DPP10: variants seen among roughly 807,000 people sequenced by gnomAD.
DPP10 encodes the protein dipeptidyl peptidase like 10, also known as inactive dipeptidyl peptidase 10.
Under a neutral mutation model 120.9 loss-of-function variants are expected in DPP10, and 33 were observed. The observed-to-expected ratio is 0.27, with a 90% CI of 0.21 to 0.37. The LOEUF (loss-of-function observed/expected upper bound fraction) is 0.37, where lower values mean the gene tolerates loss of function less well. Ranked by LOEUF, DPP10 falls within the 10% of genes least tolerant of loss-of-function variation. The probability of loss-of-function intolerance (pLI) is 1.00; values close to 1 mark genes in which losing one functional copy is unlikely to be tolerated. For missense variants in DPP10, 816 were observed against 942.8 expected, an observed-to-expected ratio of 0.87 and a Z score of 1.76; for synonymous variants, 337 against 326.1, an observed-to-expected ratio of 1.03 and a Z score of -0.36.
intron 1 of DPP10, among the ~76,000 whole-genome samples, chr2:114,987,808 T>TTTTTTTTTTTTTA (rs1279486876): frequency 7.8e-6 from 1 of 127,748 alleles, no homozygotes; most frequent in African/African-American, 3.0e-5. Flanking sequence ...GACTGTCTTT[T>TTTTTTTTTTTTTA]TTTTTTTTAT....
At chr2:115,582,988 C>T (rs1256035474) in intron 5 of DPP10, among the ~76,000 whole-genome samples, 2 of 152,172 alleles carry the variant, frequency 1.3e-5, no homozygotes, top group African/African-American at 2.4e-5. Flanking sequence ...CATCTTGCAA[C>T]TTTGTGAGAT....
At chr2:115,160,438 A>C (rs2052223939) in intron 1 of DPP10, among the ~76,000 whole-genome samples, 1 of 152,338 alleles carries the variant, frequency 6.6e-6, no homozygotes, top group Non-Finnish European at 1.5e-5. Flanking sequence ...CCATTCTACA[A>C]AAGTCTTTCA....
chr2:114,501,716 T>A (rs1180468661), intron 1 of DPP10, among the ~76,000 whole-genome samples: 1 of 152,164 alleles, frequency 6.6e-6, no homozygotes, highest in African/African-American at 2.4e-5. Context: ...TCATCCTGCT[T>A]ATGGTTTTGG....
intron 1 of DPP10, among the ~76,000 whole-genome samples, chr2:115,038,849 G>GT (rs1559023241): frequency 6.6e-6 from 1 of 152,134 alleles, no homozygotes; most frequent in African/African-American, 2.4e-5. Flanking sequence ...ACTTAAATAC[G>GT]TATCTCTTTC....
intron 1 of DPP10, among the ~76,000 whole-genome samples, chr2:114,824,390 A>G (rs1444180029): frequency 6.6e-6 from 1 of 152,216 alleles, no homozygotes; most frequent in East Asian, 1.9e-4. Flanking sequence ...AGTCCATTAG[A>G]CTAGAAGATG....
intron 1 of DPP10, among the ~76,000 whole-genome samples, chr2:115,095,671 T>C (rs538797878): frequency 9.7e-4 from 146 of 151,248 alleles, no homozygotes; most frequent in African/African-American, 3.4e-3. Flanking sequence ...CCTCTACCAC[T>C]TGGGTTCAAA....
intron 1 of DPP10, among the ~76,000 whole-genome samples, chr2:115,191,048 G>T (rs1391194601): frequency 6.6e-6 from 1 of 152,126 alleles, no homozygotes; most frequent in Non-Finnish European, 1.5e-5. Context: ...GGATCCTATG[G>T]GGTCCTTCCC....
At chr2:115,094,281 T>C (rs1370591077) in intron 1 of DPP10, among the ~76,000 whole-genome samples, 3 of 152,174 alleles carry the variant, frequency 2.0e-5, no homozygotes, top group Non-Finnish European at 4.4e-5. Context: ...TTTATTGTTA[T>C]ATTTTACTGC....
Position 114,810,741 on chromosome 2 carries a change from C to T in DPP10, c.60+367903C>T, listed in dbSNP as rs1685106869. 2.6e-5 allele frequency among the ~76,000 whole-genome samples: 4 copies of T among 152,282 alleles called. No individual in the cohort carries two copies. The South Asian group carries it at 8.3e-4, about 32-fold the overall frequency. On this transcript the variant is annotated intron_variant, in intron 1 of 25. Transcript: ENST00000410059. ...GATACCCACTTTGGGACTCTGCATG[C>T]AAAGTGCCTGGATAATGATGTAACA...
intron 8 of DPP10, among the ~76,000 whole-genome samples, chr2:115,735,781 C>G (rs567136085): frequency 6.6e-6 from 1 of 150,592 alleles, no homozygotes; most frequent in Admixed American, 6.6e-5. Context: ...GATCCGCCCA[C>G]CTCGGCCTCC....
intron 1 of DPP10, among the ~76,000 whole-genome samples, chr2:114,594,399 C>A (rs1691720191): frequency 6.7e-6 from 1 of 148,902 alleles, no homozygotes; most frequent in African/African-American, 2.5e-5. Context: ...TATATAAACT[C>A]CCTTTTACAT....
intron 1 of DPP10, among the ~76,000 whole-genome samples, chr2:114,469,464 C>A (rs1480811677): frequency 6.6e-6 from 1 of 152,102 alleles, no homozygotes; most frequent in Admixed American, 6.5e-5. Context: ...GGTGTGGTGG[C>A]TCATGCCTGT....
chr2:115,428,403 G>A (rs933833075), intron 3 of DPP10, among the ~76,000 whole-genome samples: 1 of 152,086 alleles, frequency 6.6e-6, no homozygotes, highest in African/African-American at 2.4e-5. Context: ...AAGAAAATAG[G>A]TTTACTTGGC....
intron 5 of DPP10, among the ~76,000 whole-genome samples, chr2:115,656,152 A>T (rs1448782619): frequency 6.6e-6 from 1 of 151,288 alleles, no homozygotes; most frequent in East Asian, 1.9e-4. Context: ...ACACACACAC[A>T]CACACACACA....
chr2:114,530,912 G>A (rs977466249), intron 1 of DPP10, among the ~76,000 whole-genome samples: 1 of 151,978 alleles, frequency 6.6e-6, no homozygotes, highest in South Asian at 2.1e-4. Flanking sequence ...TTTACATTAT[G>A]TGAATTTGCA....
intron 3 of DPP10, among the ~76,000 whole-genome samples, chr2:115,436,416 T>G (rs2071498946): frequency 6.6e-6 from 1 of 151,588 alleles, no homozygotes; most frequent in African/African-American, 2.4e-5. Flanking sequence ...TTTTTAATTA[T>G]CAGGTATTAA....
intron 3 of DPP10, among the ~76,000 whole-genome samples, chr2:115,477,495 GA>G (rs1000606342): frequency 5.3e-5 from 8 of 151,728 alleles, no homozygotes; most frequent in African/African-American, 1.7e-4. Context: ...AGCATTCCTG[GA>G]AAAAAAAGAT....
intron 1 of DPP10, among the ~76,000 whole-genome samples, chr2:115,018,479 G>A (rs1032688975): frequency 3.9e-5 from 6 of 152,130 alleles, no homozygotes; most frequent in Admixed American, 6.5e-5. Flanking sequence ...ATGATAGAAT[G>A]GATAAAGAAA....
At chr2:114,474,113 A>C (rs1009335781) in intron 1 of DPP10, among the ~76,000 whole-genome samples, 1 of 152,126 alleles carries the variant, frequency 6.6e-6, no homozygotes, top group Non-Finnish European at 1.5e-5. Context: ...GTGCACCACC[A>C]GGCCCGGCTA....
Sources: gnomAD v4.1 joint callset for allele counts (sites outside exome capture counted in the v4.1 genomes callset) on GRCh38, gnomAD v4.1.1 for gene constraint, MANE v1.5 for transcripts, NCBI Gene and HGNC (gene_info 2026-07-23, HGNC 2026-07-21) for gene names.